FOXO1: variants seen among roughly 807,000 people sequenced by gnomAD.
FOXO1 encodes forkhead box protein O1.
Under a neutral mutation model 44.1 loss-of-function variants are expected in FOXO1, and 6 were observed. The ratio of observed to expected loss-of-function variants is 0.14; its 90% CI spans 0.07 to 0.27. The LOEUF (loss-of-function observed/expected upper bound fraction) is 0.27, where lower values mean the gene tolerates loss of function less well. Ranked by LOEUF, FOXO1 falls within the 10% of genes least tolerant of loss-of-function variation. FOXO1 has a pLI of 1.00. For synonymous variants in FOXO1, 380 were observed against 362.7 expected (o/e 1.05, Z -0.54); for missense variants, 737 against 888.8 (o/e 0.83, Z 2.17).
At chr13:40,608,778 G>A (rs1237003174) in intron 1 of FOXO1, among the ~76,000 whole-genome samples, 1 of 152,058 alleles carries the variant, frequency 6.6e-6, no homozygotes, top group East Asian at 1.9e-4. Flanking sequence ...TAAGAGGGTG[G>A]CAACAAATGT....
At chr13:40,559,195 ATTC>A (rs1470799516) in intron 2 of FOXO1, among the ~76,000 whole-genome samples, 161 bp from the exon 3 acceptor site, 1 of 152,200 alleles carries the variant, frequency 6.6e-6, no homozygotes, top group Non-Finnish European at 1.5e-5. Context: ...AATGGGGAAA[ATTC>A]TACTTTACAA....
intron 1 of FOXO1, chr13:40,620,280 AAACAGAACTCATCCAGAGTAGGGCT>A: frequency 8.5e-7 from 1 of 1,181,558 alleles, no homozygotes; most frequent in South Asian, 1.2e-5. Flanking sequence ...ACAGTATTGC[AAACAGAACTCATCCAGAGTAGGGCT>A]AACAGAACAT....
rs1315670925 is a variant in FOXO1 at position 40,558,888 on chromosome 13, C to A, written c.*161G>T. ...TGTACAGGAAAAATGTCTTTGCTGC[C>A]AAGTCTGACGAAAGGAAAAAAGGAG... On this transcript the variant is annotated 3_prime_UTR_variant, in exon 3 of 3. Transcript: ENST00000379561. 1 of 397,314 alleles carries A rather than the reference C, an allele frequency of 2.5e-6. No homozygotes were observed. The highest frequency in any genetic ancestry group is 4.4e-6 in the Non-Finnish European group (1 of 225,852). The allele number at this position is 397,314 out of a possible 1,614,324, so 24.6% of individuals were successfully genotyped here.
intron 1 of FOXO1, among the ~76,000 whole-genome samples, chr13:40,632,355 A>G (rs1876995530): frequency 6.6e-6 from 1 of 152,226 alleles, no homozygotes; most frequent in African/African-American, 2.4e-5. Flanking sequence ...GAATATATGA[A>G]GAATTCTTAA....
chr13:40,555,938 G>A lies in FOXO1; in HGVS notation c.*3111C>T, dbSNP rs984048530. On this transcript the variant is annotated 3_prime_UTR_variant, in exon 3 of 3. Transcript: ENST00000379561. ...GCAGGAGGCATGACTACGTCCTGATGGGACTTACATGGCCACCCCTGGCCA... is the reference window on the plus strand; with the variant it reads ...GCAGGAGGCATGACTACGTCCTGATAGGACTTACATGGCCACCCCTGGCCA... 5 of 152,608 alleles carry A rather than the reference G, an allele frequency of 3.3e-5. No homozygotes were observed. The highest frequency in any genetic ancestry group is 1.3e-4 in the Admixed American group (2 of 15,286). 9.5% of individuals were successfully genotyped at this position (152,608 alleles called of 1,614,324 possible).
intron 1 of FOXO1, among the ~76,000 whole-genome samples, chr13:40,579,878 T>C (rs984849419): frequency 3.3e-5 from 5 of 152,212 alleles, no homozygotes; most frequent in South Asian, 4.1e-4. Flanking sequence ...TTACAACACC[T>C]GACAGTGAAC....
At chr13:40,602,900 T>TA (rs1200180138) in intron 1 of FOXO1, among the ~76,000 whole-genome samples, 1 of 152,198 alleles carries the variant, frequency 6.6e-6, no homozygotes, top group Non-Finnish European at 1.5e-5. Context: ...TTCTGCAAGT[T>TA]ACACTACCAT....
intron 1 of FOXO1, among the ~76,000 whole-genome samples, chr13:40,578,879 C>A (rs1277714813): frequency 6.6e-6 from 1 of 152,184 alleles, no homozygotes; most frequent in African/African-American, 2.4e-5. Context: ...CACCCCTCCA[C>A]GCACATACAC....
At chr13:40,654,388 G>C (rs1408755701) in intron 1 of FOXO1, among the ~76,000 whole-genome samples, 1 of 137,248 alleles carries the variant, frequency 7.3e-6, no homozygotes, top group East Asian at 2.2e-4. Context: ...TGTAATCCCA[G>C]CTACTCAGGA....
intron 1 of FOXO1, among the ~76,000 whole-genome samples, chr13:40,659,788 G>A (rs1038974633): frequency 6.6e-6 from 1 of 152,174 alleles, no homozygotes; most frequent in Non-Finnish European, 1.5e-5. Flanking sequence ...ACAGGGAGAA[G>A]ACGGAATAGA....
At position 40,647,538 on chromosome 13, in the gene FOXO1, G is replaced by A. The variant is rs144161260; in HGVS notation, c.630+18045C>T. 3.8e-3 allele frequency among the ~76,000 whole-genome samples: 579 copies of A among 152,212 alleles called. 2 individuals carry two copies. Among genetic ancestry groups the A allele is most frequent in the Non-Finnish European group, 4.0e-3 (275 of 68,014 alleles). ...TCATGCCTTAGCCTCCCAAATAGCTGGGATTACAGCCGTGCACCACCACAT... is the reference window on the plus strand; with the variant it reads ...TCATGCCTTAGCCTCCCAAATAGCTAGGATTACAGCCGTGCACCACCACAT... On this transcript the variant is annotated intron_variant, in intron 1 of 2. Transcript: ENST00000379561.
intron 1 of FOXO1, among the ~76,000 whole-genome samples, chr13:40,615,312 G>A (rs1442679432): frequency 6.6e-6 from 1 of 152,136 alleles, no homozygotes; most frequent in Non-Finnish European, 1.5e-5. Context: ...CGAGGCAGGC[G>A]GATCACCTGA....
chr13:40,567,088 C>G (rs188859342), intron 1 of FOXO1, among the ~76,000 whole-genome samples: 1 of 152,276 alleles, frequency 6.6e-6, no homozygotes, highest in East Asian at 1.9e-4. Context: ...TGAGCTGCCA[C>G]TTGACATGCA....
At chr13:40,614,268 T>A (rs1876337104) in intron 1 of FOXO1, among the ~76,000 whole-genome samples, 2 of 152,218 alleles carry the variant, frequency 1.3e-5, no homozygotes, top group Admixed American at 6.5e-5. Context: ...CTGGAAATTT[T>A]AAAGCTAGAT....
rs762070851 is a variant in FOXO1 at position 40,559,943 on chromosome 13, C to T, written c.1548G>A (p.Met516Ile). 8.7e-6 allele frequency: 14 copies of T among 1,614,038 alleles called. No homozygotes were observed. The highest frequency in any genetic ancestry group is 1.1e-5 in the Non-Finnish European group (13 of 1,180,046). The change falls in exon 2 of 3, where the codon ATG becomes ATA. Residue 516 changes from methionine (M) to isoleucine (I), a missense_variant. Coordinates refer to ENST00000379561, the MANE Select transcript of FOXO1 (RefSeq NM_002015.4). The part of the protein sequence containing the change: ...TYGSQASHNK[M>I]MNPSSHTHPG... The stretch of plus-strand genomic sequence containing the variant: ...GGTGGGTATGGGAGCTGGGATTCAT[C>T]ATTTTGTTATGAGATGCCTGGCTGC...
intron 1 of FOXO1, among the ~76,000 whole-genome samples, chr13:40,567,044 G>C (rs1874297516): frequency 6.6e-6 from 1 of 151,976 alleles, no homozygotes; most frequent in African/African-American, 2.4e-5. Context: ...ACCCTGGCCT[G>C]GACTCTCACA....
Position 40,580,084 on chromosome 13 carries a change from T to C in FOXO1, c.631-19224A>G, listed in dbSNP as rs916226606. ...CTTTGTAGATTACCTTTGCATGTTG[T>C]CTTTTTTGCTGCTGCTGTTAAAGAA... On this transcript the variant is annotated intron_variant, in intron 1 of 2. Transcript: ENST00000379561. Among the ~76,000 whole-genome samples, 6 of 152,242 alleles carry C rather than the reference T, an allele frequency of 3.9e-5. No individual in the cohort carries two copies. In the South Asian group the frequency reaches 1.2e-3, roughly 31 times the overall value.
chr13:40,560,946 T>TA lies in FOXO1; in HGVS notation c.631-87dup, dbSNP rs1873988739. ...CTACATGTATTACATGGAAAACAAGTAAAAAATCTTAAGAGTGTGTGCTAC... is the reference window on the plus strand; with the variant it reads ...CTACATGTATTACATGGAAAACAAGTAAAAAAATCTTAAGAGTGTGTGCTAC... On this transcript the variant is annotated intron_variant, in intron 1 of 2. Transcript: ENST00000379561. This position sits in a 1 kb window ranked among gnomAD's most constrained non-coding sequence, Gnocchi z 5.1. The TA allele has an allele frequency of 1.5e-6, 2 of 1,334,130 alleles. No individual in the cohort carries two copies. Among genetic ancestry groups the TA allele is most frequent in the Non-Finnish European group, 2.0e-6 (2 of 985,056 alleles). The allele number at this position is 1,334,130 out of a possible 1,614,324, so 82.6% of individuals were successfully genotyped here.
At chr13:40,594,544 C>T (rs1283453355) in intron 1 of FOXO1, among the ~76,000 whole-genome samples, 36 of 152,168 alleles carry the variant, frequency 2.4e-4, no homozygotes, top group Admixed American at 1.9e-3. Flanking sequence ...AAACGTTCAA[C>T]CTGCCACAGT....
Sources: gnomAD v4.1 joint callset for allele counts (sites outside exome capture counted in the v4.1 genomes callset) on GRCh38, gnomAD v4.1.1 for gene constraint, Gnocchi (gnomAD v3.1) non-coding constraint, MANE v1.5 for transcripts, NCBI Gene and HGNC (gene_info 2026-07-23, HGNC 2026-07-21) for gene names.